Variants in GABBR2 observed in about 807,000 individuals in gnomAD.
GABBR2 encodes gamma-aminobutyric acid type B receptor subunit 2, also known as G-protein coupled receptor 51.
A neutral mutation model predicts 105.6 loss-of-function variants in GABBR2; 23 were observed. That is an observed-to-expected ratio of 0.22 (90% CI 0.16 to 0.31). The LOEUF is 0.31. Ranked by LOEUF, GABBR2 falls within the 10% of genes least tolerant of loss-of-function variation. GABBR2 has a pLI of 1.00. For missense variants in GABBR2, 734 were observed against 1,245.5 expected, an observed-to-expected ratio of 0.59 and a Z score of 6.18; for synonymous variants, 478 against 499.7, an observed-to-expected ratio of 0.96 and a Z score of 0.58.
At chr9:98,521,210 G>A (rs1827858720) in intron 3 of GABBR2, among the ~76,000 whole-genome samples, 1 of 152,152 alleles carries the variant, frequency 6.6e-6, no homozygotes, top group Non-Finnish European at 1.5e-5. Context: ...AGGAAAGAGT[G>A]CCATCAATAT....
intron 1 of GABBR2, among the ~76,000 whole-genome samples, chr9:98,706,420 C>T (rs989460006): frequency 2.6e-5 from 4 of 152,228 alleles, no homozygotes; most frequent in African/African-American, 9.6e-5. Flanking sequence ...AGAGACACTT[C>T]TCTGTTTGCA....
chr9:98,497,716 C>A (rs375851037), intron 3 of GABBR2, among the ~76,000 whole-genome samples: 2 of 152,196 alleles, frequency 1.3e-5, no homozygotes, highest in Admixed American at 1.3e-4. Flanking sequence ...TGGCTATTAC[C>A]AAAAAGCAAA....
chr9:98,309,112 T>G (rs1386928847), intron 14 of GABBR2, among the ~76,000 whole-genome samples: 1 of 152,170 alleles, frequency 6.6e-6, no homozygotes, highest in Non-Finnish European at 1.5e-5. Context: ...GTCATAAACC[T>G]TAAGGGCCAG....
At chr9:98,317,324 C>T (rs2050575) in intron 13 of GABBR2, among the ~76,000 whole-genome samples, 13,159 of 152,264 alleles carry the variant, frequency 0.086, 1,160 homozygotes, top group African/African-American at 0.2. Flanking sequence ...CCCATCTGTG[C>T]GGCAAAAGGA....
At chr9:98,553,169 C>A (rs1158753637) in intron 2 of GABBR2, among the ~76,000 whole-genome samples, 1 of 152,030 alleles carries the variant, frequency 6.6e-6, no homozygotes, top group Non-Finnish European at 1.5e-5. Flanking sequence ...TAAGTGTGAG[C>A]CACTGCACTC....
At chr9:98,612,809 T>C (rs1239799278) in intron 1 of GABBR2, among the ~76,000 whole-genome samples, 1 of 152,184 alleles carries the variant, frequency 6.6e-6, no homozygotes, top group Non-Finnish European at 1.5e-5. Flanking sequence ...GTGCCTGGCA[T>C]TGAGAATTCT....
chr9:98,356,569 A>C (rs572087266), intron 13 of GABBR2, among the ~76,000 whole-genome samples: 1 of 152,364 alleles, frequency 6.6e-6, no homozygotes, highest in South Asian at 2.1e-4. Context: ...GTGGGTTTGC[A>C]AAACGGTATA....
intron 13 of GABBR2, among the ~76,000 whole-genome samples, chr9:98,332,906 C>T (rs994594585): frequency 1.3e-5 from 2 of 152,168 alleles, no homozygotes; most frequent in Admixed American, 1.3e-4. Context: ...TATTAAAACG[C>T]CACATGTGGA....
At position 98,306,298 on chromosome 9, in the gene GABBR2, G is replaced by A. The variant is rs2304389; in HGVS notation, c.2052C>T (p.Pro684=). The A allele has an allele frequency of 0.16, 265,434 of 1,613,292 alleles. 22,495 individuals carry two copies. The highest frequency in any genetic ancestry group is 0.26 in the Middle Eastern group (1,602 of 6,060). Residue 684 remains proline (P), a synonymous_variant, in exon 15 of 19, where the codon CCC becomes CCT. Coordinates refer to ENST00000259455, the MANE Select transcript of GABBR2 (RefSeq NM_005458.8). This position sits in a 1 kb window ranked among gnomAD's most constrained non-coding sequence, Gnocchi z 5.4. ...LAWETRNVSI[P]ALNDSKYIGM... ...CGATGTACTTGCTGTCGTTGAGTGC[G>A]GGGATGCTGACGTTGCGGGTCTCCC...
rs377682027 is a variant in GABBR2, at chr9:98,494,537, T to C, written c.732+1876A>G. On this transcript the variant is annotated intron_variant, in intron 4 of 18. Coordinates refer to ENST00000259455, the MANE Select transcript of GABBR2 (RefSeq NM_005458.8). ...CAGAGCAGTGGAGAAAGCTGGGCCA[T>C]GACATTGCCCAGACCTGGGTTTGAA... Among the ~76,000 whole-genome samples the C allele has an allele frequency of 2.1e-4, 32 of 152,282 alleles. 1 individual carries two copies. The highest frequency in any genetic ancestry group is 1.5e-3 in the East Asian group (8 of 5,164).
intron 3 of GABBR2, among the ~76,000 whole-genome samples, chr9:98,508,081 G>A (rs886819696): frequency 5.9e-5 from 9 of 152,266 alleles, no homozygotes; most frequent in South Asian, 2.1e-4. Flanking sequence ...TTCCAGACTC[G>A]AGGGACCAAA....
chr9:98,389,516 A>T (rs927167327), intron 9 of GABBR2, among the ~76,000 whole-genome samples: 2 of 152,226 alleles, frequency 1.3e-5, no homozygotes, highest in African/African-American at 4.8e-5. Flanking sequence ...TTCTGCTTCA[A>T]TGTCATTGTG....
chr9:98,357,340 A>C (rs1334648210), intron 13 of GABBR2, among the ~76,000 whole-genome samples: 1 of 152,224 alleles, frequency 6.6e-6, no homozygotes, highest in Non-Finnish European at 1.5e-5. Context: ...GTAAGTATAA[A>C]TAAAATTTAA....
At chr9:98,509,994 G>A (rs911861531) in intron 3 of GABBR2, among the ~76,000 whole-genome samples, 2 of 152,176 alleles carry the variant, frequency 1.3e-5, no homozygotes, top group Non-Finnish European at 2.9e-5. Context: ...TGAAATGAAG[G>A]AAGAAATACT....
chr9:98,638,099 C>T (rs767253005), intron 1 of GABBR2, among the ~76,000 whole-genome samples: 16 of 152,132 alleles, frequency 1.1e-4, no homozygotes, highest in Non-Finnish European at 1.8e-4. Context: ...CCAGTTCTGT[C>T]TCCAAAATCC....
chr9:98,682,081 G>A (rs1338631596), intron 1 of GABBR2, among the ~76,000 whole-genome samples: 1 of 151,870 alleles, frequency 6.6e-6, no homozygotes, highest in Non-Finnish European at 1.5e-5. Flanking sequence ...CTAAAAATCA[G>A]CCAGGCATGG....
At chr9:98,472,467 G>T (rs1324941816) in intron 6 of GABBR2, among the ~76,000 whole-genome samples, 1 of 152,146 alleles carries the variant, frequency 6.6e-6, no homozygotes, top group Non-Finnish European at 1.5e-5. Context: ...CAGCATCAAG[G>T]TGCCAGACAC....
chr9:98,436,919 T>A (rs977044013), intron 7 of GABBR2, among the ~76,000 whole-genome samples: 11 of 152,214 alleles, frequency 7.2e-5, no homozygotes, highest in African/African-American at 2.6e-4. Flanking sequence ...AGCATTCAGG[T>A]TGGCACTCAC....
At chr9:98,444,735 C>G (rs1228814408) in intron 7 of GABBR2, among the ~76,000 whole-genome samples, 2 of 152,216 alleles carry the variant, frequency 1.3e-5, no homozygotes, top group African/African-American at 4.8e-5. Context: ...TGCTCAAGCC[C>G]TGGGATTTGA....
Sources: allele counts gnomAD v4.1 joint callset (sites outside exome capture counted in the v4.1 genomes callset), GRCh38; gene constraint gnomAD v4.1.1; non-coding constraint Gnocchi (gnomAD v3.1); transcripts MANE v1.5; gene names NCBI Gene and HGNC (gene_info 2026-07-23, HGNC 2026-07-21).